The following ATF7IP2 variants were observed in gnomAD, a reference collection of about 807,000 sequenced individuals.
ATF7IP2 encodes the protein activating transcription factor 7 interacting protein 2.
Under a neutral mutation model 64.2 loss-of-function variants are expected in ATF7IP2, and 42 were observed. The ratio of observed to expected loss-of-function variants is 0.65; its 90% CI spans 0.51 to 0.85. ATF7IP2 has a LOEUF of 0.85. ATF7IP2 is among the 40% of genes least tolerant of loss of function. ATF7IP2 has a pLI of 0.00. For synonymous variants in ATF7IP2, 308 were observed against 272.8 expected, an observed-to-expected ratio of 1.13 and a Z score of -1.27; for missense variants, 933 against 784.2, an observed-to-expected ratio of 1.19 and a Z score of -2.27.
chr16:10,453,487 T>G (rs976702613), intron 8 of ATF7IP2, among the ~76,000 whole-genome samples: 2 of 152,344 alleles, frequency 1.3e-5, no homozygotes, highest in Middle Eastern at 3.4e-3. Flanking sequence ...GCCTTCTGCA[T>G]CAATCTTACT....
chr16:10,464,175 C>T (rs2049474050), intron 9 of ATF7IP2, among the ~76,000 whole-genome samples: 2 of 152,120 alleles, frequency 1.3e-5, no homozygotes, highest in Non-Finnish European at 2.9e-5. Context: ...CCCAATTTTT[C>T]AAATTGCTCA....
chr16:10,437,694 A>G (rs1241545698), intron 6 of ATF7IP2, among the ~76,000 whole-genome samples: 1 of 152,242 alleles, frequency 6.6e-6, no homozygotes, highest in African/African-American at 2.4e-5. Context: ...CAGACCAACC[A>G]ACCATTTTCA....
chr16:10,458,875 T>G (rs904880985), intron 9 of ATF7IP2, among the ~76,000 whole-genome samples: 1 of 152,224 alleles, frequency 6.6e-6, no homozygotes, highest in African/African-American at 2.4e-5. Context: ...CAGGGAACCT[T>G]CGTTTAACAA....
intron 8 of ATF7IP2, among the ~76,000 whole-genome samples, chr16:10,452,007 G>A (rs964449258): frequency 2.6e-5 from 4 of 151,858 alleles, no homozygotes; most frequent in Admixed American, 6.6e-5. Flanking sequence ...AGTCGAGATC[G>A]CTCCACTGCA....
At chr16:10,387,086 T>A (rs1233238346) in intron 1 of ATF7IP2, 1 of 152,236 alleles carries the variant, frequency 6.6e-6, no homozygotes, top group Non-Finnish European at 1.5e-5. Flanking sequence ...ACTTAAATTG[T>A]TATTCTAGAT....
intron 9 of ATF7IP2, among the ~76,000 whole-genome samples, chr16:10,466,565 T>G (rs554500197): frequency 6.6e-6 from 1 of 152,324 alleles, no homozygotes; most frequent in Admixed American, 6.5e-5. Context: ...GCCATACTGG[T>G]GTATAGCATC....
intron 8 of ATF7IP2, among the ~76,000 whole-genome samples, chr16:10,457,112 A>C (rs1273430118): frequency 6.6e-6 from 1 of 152,210 alleles, no homozygotes; most frequent in African/African-American, 2.4e-5. Context: ...AGTGTTGTCT[A>C]AGTACCTGAA....
At chr16:10,452,851 G>A (rs61485458) in intron 8 of ATF7IP2, among the ~76,000 whole-genome samples, 2,720 of 152,266 alleles carry the variant, frequency 0.018, 75 homozygotes, top group African/African-American at 0.061. Flanking sequence ...GCTCGGCCCA[G>A]TTCAAACTTC....
At chr16:10,465,085 C>T (rs1180908778) in intron 9 of ATF7IP2, among the ~76,000 whole-genome samples, 14 of 152,214 alleles carry the variant, frequency 9.2e-5, no homozygotes, top group Admixed American at 9.2e-4. Flanking sequence ...CTGCCTCAGC[C>T]TCCCAAAGTG....
chr16:10,448,433 C>G (rs2048881200), intron 8 of ATF7IP2: 1 of 152,104 alleles, frequency 6.6e-6, no homozygotes, highest in Admixed American at 6.5e-5. Context: ...TATTTGTGGC[C>G]TCTCTTATTT....
intron 8 of ATF7IP2, among the ~76,000 whole-genome samples, chr16:10,455,774 A>C (rs1035926127): frequency 4.6e-5 from 7 of 152,212 alleles, no homozygotes; most frequent in African/African-American, 1.7e-4. Context: ...AGATCTTCAT[A>C]AACAAACTTT....
Position 10,386,095 on chromosome 16 carries a change from T to A in ATF7IP2, c.-269T>A, listed in dbSNP as rs1014053596. The A allele has an allele frequency of 1.3e-5, 2 of 152,852 alleles. No homozygotes were observed. Among genetic ancestry groups the A allele is most frequent in the Non-Finnish European group, 2.9e-5 (2 of 68,526 alleles). 9.5% of individuals were successfully genotyped at this position (152,852 alleles called of 1,614,324 possible). On this transcript the variant is annotated 5_prime_UTR_variant, in exon 1 of 14. Coordinates refer to ENST00000562102, the MANE Select transcript of ATF7IP2 (RefSeq NM_001393719.1). ...TGCGGTTCGAAGTGGCTGTGGGTAT[T>A]GCTGCGGCTGGTGCGTCGTCGCTCT...
chr16:10,442,531 T>C (rs1267169818), intron 8 of ATF7IP2, among the ~76,000 whole-genome samples: 1 of 152,112 alleles, frequency 6.6e-6, no homozygotes, highest in East Asian at 1.9e-4. Context: ...GAAGTAAAAA[T>C]AGAAGCCATG....
At chr16:10,464,539 A>AT (rs2049489511) in intron 9 of ATF7IP2, among the ~76,000 whole-genome samples, 1 of 152,192 alleles carries the variant, frequency 6.6e-6, no homozygotes. Flanking sequence ...CCCAAAACAC[A>AT]TGACAAAAAT....
intron 3 of ATF7IP2, among the ~76,000 whole-genome samples, chr16:10,425,966 T>A (rs1036920724): frequency 6.6e-6 from 1 of 152,162 alleles, no homozygotes; most frequent in East Asian, 1.9e-4. Flanking sequence ...CATAAAACAT[T>A]AAAAGTACAG....
chr16:10,407,598 A>T (rs1445738645), intron 1 of ATF7IP2, among the ~76,000 whole-genome samples: 1 of 152,232 alleles, frequency 6.6e-6, no homozygotes, highest in Non-Finnish European at 1.5e-5. Context: ...TATGTAAAGG[A>T]AATCAAAATA....
At chr16:10,388,837 C>A (rs576226416) in intron 1 of ATF7IP2, among the ~76,000 whole-genome samples, 2 of 151,934 alleles carry the variant, frequency 1.3e-5, no homozygotes, top group South Asian at 2.1e-4. Flanking sequence ...GGTGAAACCC[C>A]GTCTCCACTA....
chr16:10,409,641 G>A (rs1562076), intron 1 of ATF7IP2, among the ~76,000 whole-genome samples: 85,567 of 152,060 alleles, frequency 0.56, 24,121 homozygotes, highest in East Asian at 0.69. Flanking sequence ...TAGCCAGGAC[G>A]ATCTCGATCT....
chr16:10,406,068 G>A (rs570099562), intron 1 of ATF7IP2, among the ~76,000 whole-genome samples: 20 of 151,054 alleles, frequency 1.3e-4, no homozygotes, highest in Middle Eastern at 3.4e-3. Context: ...CAGCCTGGGC[G>A]ACAGAGTGAG....
Sources: gnomAD v4.1 joint callset for allele counts (sites outside exome capture counted in the v4.1 genomes callset) on GRCh38, gnomAD v4.1.1 for gene constraint, MANE v1.5 for transcripts, NCBI Gene and HGNC (gene_info 2026-07-23, HGNC 2026-07-21) for gene names.